The following HNF4G variants were observed in gnomAD, a reference collection of about 807,000 sequenced individuals.
HNF4G encodes the protein hepatocyte nuclear factor 4 gamma.
HNF4G carries 21 observed loss-of-function variants against 50.9 expected under a neutral mutation model. The observed-to-expected ratio is 0.41, with a 90% confidence interval of 0.29 to 0.59. The LOEUF (loss-of-function observed/expected upper bound fraction) is 0.59. Among genes scored for constraint, HNF4G ranks in the 20% least tolerant of loss-of-function variants. The pLI, the probability that HNF4G is intolerant of heterozygous loss-of-function variation, is 0.26. For missense variants in HNF4G, 527 were observed against 559.4 expected (o/e 0.94, Z 0.58); for synonymous variants, 198 against 185.6 (o/e 1.07, Z -0.54).
intron 1 of HNF4G, among the ~76,000 whole-genome samples, chr8:75,479,623 C>T (rs534559787): frequency 3.7e-4 from 55 of 149,422 alleles, no homozygotes; most frequent in Non-Finnish European, 6.8e-4. Flanking sequence ...AAAGAAATAG[C>T]GATGCTGTGA....
chr8:75,476,202 T>C (rs1411946346), intron 1 of HNF4G, among the ~76,000 whole-genome samples: 1 of 152,216 alleles, frequency 6.6e-6, no homozygotes, highest in East Asian at 1.9e-4. Context: ...GTATTTGATT[T>C]TCTGTTTCTA....
chr8:75,534,124 T>C (rs1001932504), intron 2 of HNF4G, among the ~76,000 whole-genome samples: 6 of 151,878 alleles, frequency 4.0e-5, no homozygotes, highest in African/African-American at 1.2e-4. Context: ...TACAGCAATT[T>C]TGGTTTCAAA....
chr8:75,503,148 A>T (rs1812976028), intron 2 of HNF4G, among the ~76,000 whole-genome samples: 2 of 152,160 alleles, frequency 1.3e-5, no homozygotes, highest in African/African-American at 4.8e-5. Flanking sequence ...ATTAAAAACA[A>T]TTTTCTGTGG....
intron 1 of HNF4G, among the ~76,000 whole-genome samples, chr8:75,430,270 A>T (rs910087229): frequency 1.3e-5 from 2 of 152,192 alleles, no homozygotes; most frequent in Non-Finnish European, 2.9e-5. Flanking sequence ...ATGTCACTGA[A>T]ACAGACATTT....
upstream of HNF4G, among the ~76,000 whole-genome samples, chr8:75,539,279 T>G (rs1470240049): frequency 3.3e-5 from 5 of 152,176 alleles, no homozygotes; most frequent in Non-Finnish European, 7.3e-5. Flanking sequence ...TTGGGAAGTT[T>G]ATTAGCATAG....
At chr8:75,412,721 T>A (rs1291615052) in intron 1 of HNF4G, among the ~76,000 whole-genome samples, 1 of 132,358 alleles carries the variant, frequency 7.6e-6, no homozygotes, top group Non-Finnish European at 1.7e-5. Context: ...GTTTTAGAAT[T>A]TTTTTTTTTG....
At chr8:75,443,520 G>A (rs931612783) in intron 1 of HNF4G, among the ~76,000 whole-genome samples, 2 of 151,966 alleles carry the variant, frequency 1.3e-5, no homozygotes, top group African/African-American at 2.4e-5. Context: ...TAAAGTATTC[G>A]ATGTTTTACT....
intron 2 of HNF4G, among the ~76,000 whole-genome samples, chr8:75,513,978 G>A (rs562102960): frequency 4.0e-5 from 6 of 151,892 alleles, no homozygotes; most frequent in Non-Finnish European, 8.8e-5. Flanking sequence ...TCAGATGAAG[G>A]CTTCTGTATA....
intron 2 of HNF4G, among the ~76,000 whole-genome samples, chr8:75,520,047 G>T (rs1805999733): frequency 6.6e-6 from 1 of 151,528 alleles, no homozygotes; most frequent in South Asian, 2.1e-4. Flanking sequence ...TGTCTTTCAT[G>T]ATTTCATTTT....
intron 1 of HNF4G, among the ~76,000 whole-genome samples, chr8:75,479,598 A>G (rs1165564553): frequency 6.8e-6 from 1 of 146,652 alleles, no homozygotes; most frequent in Non-Finnish European, 1.5e-5. Context: ...TTTTTGGTGT[A>G]TGTGTCTCTT....
At chr8:75,444,976 A>G (rs1811388806) in intron 1 of HNF4G, among the ~76,000 whole-genome samples, 1 of 146,380 alleles carries the variant, frequency 6.8e-6, no homozygotes, top group Admixed American at 6.8e-5. Context: ...CAGAATATAC[A>G]TTTTTTTCAG....
At chr8:75,549,549 C>CTT (rs1043888492) in intron 3 of HNF4G, among the ~76,000 whole-genome samples, 2 of 131,544 alleles carry the variant, frequency 1.5e-5, no homozygotes, top group African/African-American at 2.8e-5. Context: ...CTCACTCTTT[C>CTT]TTTTTTTTTT....
At chr8:75,552,147 A>G (rs1806978933) in intron 4 of HNF4G, among the ~76,000 whole-genome samples, 1 of 152,190 alleles carries the variant, frequency 6.6e-6, no homozygotes, top group Admixed American at 6.5e-5. Context: ...AAAGCAGATT[A>G]TAAAATTGCC....
chr8:75,416,303 A>T (rs147823897), intron 1 of HNF4G, among the ~76,000 whole-genome samples: 2 of 152,208 alleles, frequency 1.3e-5, no homozygotes, highest in African/African-American at 4.8e-5. Context: ...CAATTAGAAC[A>T]TCAGATCAAC....
At chr8:75,536,446 T>C (rs1037964644), upstream of HNF4G, among the ~76,000 whole-genome samples, 3 of 152,052 alleles carry the variant, frequency 2.0e-5, no homozygotes, top group African/African-American at 7.2e-5. Context: ...AAAATTAATA[T>C]AGTTTTATTT....
At chr8:75,512,551 G>A (rs1046445547) in intron 2 of HNF4G, among the ~76,000 whole-genome samples, 2 of 151,582 alleles carry the variant, frequency 1.3e-5, no homozygotes, top group South Asian at 2.1e-4. Flanking sequence ...TGCAAGCTCC[G>A]CCTCCCGGGT....
At chr8:75,444,157 A>T (rs1262093910) in intron 1 of HNF4G, among the ~76,000 whole-genome samples, 1 of 151,890 alleles carries the variant, frequency 6.6e-6, no homozygotes, top group African/African-American at 2.4e-5. Context: ...TTCAACCCAG[A>T]ATTTCATATC....
chr8:75,459,019 G>A (rs1201242977), intron 1 of HNF4G, among the ~76,000 whole-genome samples: 1 of 152,092 alleles, frequency 6.6e-6, no homozygotes, highest in Admixed American at 6.6e-5. Context: ...AATATGAAAT[G>A]TTAGGCATTT....
At chr8:75,470,734 A>C (rs960696751) in intron 1 of HNF4G, among the ~76,000 whole-genome samples, 2 of 152,208 alleles carry the variant, frequency 1.3e-5, no homozygotes, top group Non-Finnish European at 2.9e-5. Flanking sequence ...ACATTGTGTC[A>C]AGGCAATAGT....
Sources: allele counts gnomAD v4.1 joint callset (sites outside exome capture counted in the v4.1 genomes callset), GRCh38; gene constraint gnomAD v4.1.1; transcripts MANE v1.5; gene names NCBI Gene and HGNC (gene_info 2026-07-23, HGNC 2026-07-21).